Variants in NRG1 observed in about 807,000 individuals in gnomAD.
NRG1 encodes the protein pro-neuregulin-1, membrane-bound isoform.
In NRG1, 18 loss-of-function variants were observed where a neutral mutation model predicts 63.8. The observed-to-expected ratio is 0.28, with a 90% CI of 0.19 to 0.42. The LOEUF is 0.42. NRG1 is among the 10% of genes least tolerant of loss of function. The pLI is 1.00. For missense variants in NRG1, 762 were observed against 814.7 expected, an observed-to-expected ratio of 0.94 and a Z score of 0.79; for synonymous variants, 302 against 301.3, an observed-to-expected ratio of 1.00 and a Z score of -0.02.
chr8:31,731,021 G>A (rs1273059154), intron 1 of NRG1, among the ~76,000 whole-genome samples: 1 of 151,932 alleles, frequency 6.6e-6, no homozygotes, highest in African/African-American at 2.4e-5. Context: ...TTTCTCCTTC[G>A]AGGAGTAGGA....
intron 1 of NRG1, among the ~76,000 whole-genome samples, chr8:32,257,885 A>G (rs1384838233): frequency 6.6e-6 from 1 of 152,240 alleles, no homozygotes; most frequent in Non-Finnish European, 1.5e-5. Context: ...AAGAAAGATT[A>G]GTTTAATAAA....
At chr8:32,405,269 T>C (rs888719740) in intron 1 of NRG1, among the ~76,000 whole-genome samples, 15 of 152,196 alleles carry the variant, frequency 9.9e-5, no homozygotes, top group African/African-American at 3.6e-4. Context: ...TCCATTTCAC[T>C]CCTCACTCTC....
chr8:32,267,834 A>G (rs1348940979), intron 1 of NRG1, among the ~76,000 whole-genome samples: 5 of 152,174 alleles, frequency 3.3e-5, no homozygotes, highest in African/African-American at 1.2e-4. Context: ...ACCATCGTGC[A>G]TTTTCCCATG....
At chr8:31,878,793 G>A (rs989693008) in intron 1 of NRG1, among the ~76,000 whole-genome samples, 4 of 152,126 alleles carry the variant, frequency 2.6e-5, no homozygotes, top group Non-Finnish European at 4.4e-5. Flanking sequence ...CTGGATAAAG[G>A]CTTCGCTTAC....
chr8:32,293,718 C>CTTTTTTTTTTTT (rs770993591), intron 1 of NRG1, among the ~76,000 whole-genome samples: 35 of 108,254 alleles, frequency 3.2e-4, no homozygotes, highest in African/African-American at 5.2e-4. Context: ...TTTTCTTCTT[C>CTTTTTTTTTTTT]TTTTTTTTTT....
chr8:32,412,750 G>A (rs1310001551), intron 1 of NRG1, among the ~76,000 whole-genome samples: 1 of 151,808 alleles, frequency 6.6e-6, no homozygotes, highest in Non-Finnish European at 1.5e-5. Flanking sequence ...CTAACACAAT[G>A]ACAAGTATTT....
intron 1 of NRG1, among the ~76,000 whole-genome samples, chr8:31,783,272 C>G (rs985334204): frequency 2.6e-5 from 4 of 152,144 alleles, no homozygotes; most frequent in Admixed American, 1.3e-4. Context: ...GTGACAAAAC[C>G]AACACATATG....
At chr8:31,751,121 G>T (rs1816416290) in intron 1 of NRG1, among the ~76,000 whole-genome samples, 1 of 151,928 alleles carries the variant, frequency 6.6e-6, no homozygotes, top group Admixed American at 6.6e-5. Flanking sequence ...ATAGGAGGTG[G>T]GTAACATTGC....
intron 1 of NRG1, among the ~76,000 whole-genome samples, chr8:32,250,203 A>G (rs1019823672): frequency 6.6e-6 from 1 of 152,126 alleles, no homozygotes; most frequent in Non-Finnish European, 1.5e-5. Context: ...TTACCTTCCA[A>G]TCAACTCCAT....
chr8:31,761,503 C>T (rs986551076), intron 1 of NRG1, among the ~76,000 whole-genome samples: 3 of 151,990 alleles, frequency 2.0e-5, no homozygotes, highest in African/African-American at 7.2e-5. Context: ...TTGTGTGACT[C>T]TTCCTTTCAC....
At chr8:32,495,612 G>A (rs897535521) in intron 1 of NRG1, among the ~76,000 whole-genome samples, 12 of 151,920 alleles carry the variant, frequency 7.9e-5, no homozygotes, top group South Asian at 2.1e-4. Flanking sequence ...ACAGGCGCTC[G>A]CCACCACGCC....
intron 1 of NRG1, among the ~76,000 whole-genome samples, chr8:32,559,080 A>G (rs1279641851): frequency 1.3e-4 from 6 of 44,890 alleles, no homozygotes; most frequent in Middle Eastern, 7.0e-3. Context: ...GACTTGTCTC[A>G]GCGAAAAAAA....
chr8:32,627,418 A>G (rs1849488356), intron 5 of NRG1, among the ~76,000 whole-genome samples: 1 of 152,192 alleles, frequency 6.6e-6, no homozygotes, highest in South Asian at 2.1e-4. Flanking sequence ...TATGTTACAT[A>G]TCCGAGGAGA....
chr8:32,491,165 G>A (rs886844032), intron 1 of NRG1, among the ~76,000 whole-genome samples: 8 of 152,108 alleles, frequency 5.3e-5, no homozygotes, highest in African/African-American at 1.9e-4. Flanking sequence ...TGTTGTGTGA[G>A]CAACATCTCT....
At chr8:32,010,844 A>G (rs1026425350) in intron 1 of NRG1, among the ~76,000 whole-genome samples, 31 of 152,084 alleles carry the variant, frequency 2.0e-4, no homozygotes, top group African/African-American at 7.5e-4. Flanking sequence ...ACAGTGTTTT[A>G]TCTTGCAGAA....
intron 1 of NRG1, among the ~76,000 whole-genome samples, chr8:31,774,466 G>A (rs1818925320): frequency 6.6e-6 from 1 of 152,170 alleles, no homozygotes; most frequent in Non-Finnish European, 1.5e-5. Context: ...TGCCTGTAGT[G>A]TCTGGCACAG....
At chr8:32,743,147 C>T in intron 7 of NRG1, 1 of 991,138 alleles carries the variant, frequency 1.0e-6, no homozygotes. Context: ...TAAGCTGTAA[C>T]CGATATGCAC....
exon 11 of NRG1, chr8:32,760,376 A>G: frequency 6.2e-7 from 1 of 1,614,002 alleles, no homozygotes; most frequent in African/African-American, 1.3e-5. Flanking sequence ...GAAACCCCTG[A>G]TTCCTACCGA....
At chr8:31,645,979 A>G (rs1331993133) in intron 1 of NRG1, among the ~76,000 whole-genome samples, 9 of 152,122 alleles carry the variant, frequency 5.9e-5, no homozygotes, top group Non-Finnish European at 1.5e-5. Flanking sequence ...GTAGTGTATG[A>G]GTTTAGGATT....
Sources: allele counts gnomAD v4.1 joint callset (sites outside exome capture counted in the v4.1 genomes callset), GRCh38; gene constraint gnomAD v4.1.1; transcripts MANE v1.5; gene names NCBI Gene and HGNC (gene_info 2026-07-23, HGNC 2026-07-21).